LMCD1: variants seen among roughly 807,000 people sequenced by gnomAD.
The protein encoded by LMCD1 is LIM and cysteine rich domains 1.
LMCD1 carries 32 observed loss-of-function variants against 42.7 expected under a neutral mutation model. The observed-to-expected ratio is 0.75, with a 90% confidence interval of 0.57 to 1.01. The LOEUF (loss-of-function observed/expected upper bound fraction) is 1.01, where lower values mean the gene tolerates loss of function less well. Ranked by LOEUF, LMCD1 falls within the 50% of genes least tolerant of loss-of-function variation. The pLI is 0.00. For missense variants in LMCD1, 458 were observed against 483.1 expected (o/e 0.95, Z 0.49); for synonymous variants, 178 against 184.9 (o/e 0.96, Z 0.30).
intron 3 of LMCD1, among the ~76,000 whole-genome samples, chr3:8,545,594 T>G (rs918290746): frequency 5.3e-5 from 8 of 152,224 alleles, no homozygotes; most frequent in African/African-American, 1.7e-4. Context: ...GTAGTGCAAG[T>G]AAAGTCCAGG....
chr3:8,539,200 G>C (rs1694569870), intron 3 of LMCD1, among the ~76,000 whole-genome samples: 1 of 152,206 alleles, frequency 6.6e-6, no homozygotes, highest in Non-Finnish European at 1.5e-5. Flanking sequence ...CAGAGGCACA[G>C]TTCTAAGCTG....
intron 3 of LMCD1, among the ~76,000 whole-genome samples, chr3:8,542,571 G>T (rs1265816392): frequency 2.0e-5 from 3 of 152,212 alleles, no homozygotes; most frequent in African/African-American, 7.2e-5. Context: ...GACACATCCA[G>T]GGAATGGGGG....
intron 1 of LMCD1, among the ~76,000 whole-genome samples, chr3:8,518,219 C>T (rs1434874875): frequency 6.6e-6 from 1 of 152,186 alleles, no homozygotes; most frequent in East Asian, 1.9e-4. Flanking sequence ...AAGGGATATT[C>T]CAAAGCAATG....
At chr3:8,565,378 T>C in intron 4 of LMCD1, 54 bp from the exon 5 acceptor site, 1 of 1,507,488 alleles carries the variant, frequency 6.6e-7, no homozygotes, top group Non-Finnish European at 9.2e-7. Context: ...CGAACCCATG[T>C]CACTGTGCTC....
At chr3:8,559,014 G>A (rs904610368) in intron 4 of LMCD1, among the ~76,000 whole-genome samples, 1 of 146,886 alleles carries the variant, frequency 6.8e-6, no homozygotes, top group African/African-American at 2.4e-5. Flanking sequence ...GCTCAACCCT[G>A]AGAACCACTG....
chr3:8,559,516 C>T (rs1694989160), intron 4 of LMCD1, among the ~76,000 whole-genome samples: 1 of 152,222 alleles, frequency 6.6e-6, no homozygotes, highest in African/African-American at 2.4e-5. Flanking sequence ...CAAGGTCACA[C>T]AGCTATGAAC....
chr3:8,563,131 G>A (rs576408957), intron 4 of LMCD1, among the ~76,000 whole-genome samples: 18 of 152,322 alleles, frequency 1.2e-4, no homozygotes, highest in South Asian at 6.2e-4. Context: ...GCCTGGCACC[G>A]AGGAGATGTG....
rs932136710 is a variant in LMCD1, at chr3:8,571,734, C to T, written c.*4136C>T. Reference sequence around the variant, plus strand: ...GGAGGGTCTTAGAAAAGTGTTTTTCCTTAATGAAAGGAGATACTGTGCAGT... The same window carrying T: ...GGAGGGTCTTAGAAAAGTGTTTTTCTTTAATGAAAGGAGATACTGTGCAGT... On this transcript the variant is annotated 3_prime_UTR_variant, in exon 6 of 6. Transcript: ENST00000157600. 6.6e-6 allele frequency: 1 copy of T among 152,234 alleles called. No individual in the cohort carries two copies. Among genetic ancestry groups the T allele is most frequent in the African/African-American group, 2.4e-5 (1 of 41,464 alleles). The allele number at this position is 152,234 out of a possible 1,614,324, so 9.4% of individuals were successfully genotyped here.
intron 4 of LMCD1, 74 bp from the exon 5 acceptor site, chr3:8,565,358 A>C (rs1695109791): frequency 1.5e-6 from 2 of 1,321,858 alleles, no homozygotes; most frequent in East Asian, 4.7e-5. Context: ...GAAAGGCTGG[A>C]GCTGGAATTC....
At chr3:8,512,497 G>A (rs1460648335) in intron 1 of LMCD1, among the ~76,000 whole-genome samples, 4 of 152,144 alleles carry the variant, frequency 2.6e-5, no homozygotes, top group African/African-American at 7.2e-5. Flanking sequence ...TAACATTATG[G>A]TGATCATCCC....
intron 3 of LMCD1, among the ~76,000 whole-genome samples, chr3:8,545,526 G>A (rs763002142): frequency 1.3e-5 from 2 of 152,194 alleles, no homozygotes; most frequent in African/African-American, 2.4e-5. Context: ...TCCAGTGCTC[G>A]AGAATCCCAG....
In LMCD1 at chr3:8,558,648, G is replaced by T. The variant is rs567491339; in HGVS notation, c.724-6784G>T. ...CCATGCCTTTTACCATAGTCCCAAA[G>T]AACTTCCATTTGACCATACTAGCTC... On this transcript the variant is annotated intron_variant, in intron 4 of 5. Transcript: ENST00000157600. Among the ~76,000 whole-genome samples, 3 of 152,282 alleles carry T rather than the reference G, an allele frequency of 2.0e-5. No individual in the cohort carries two copies. In the East Asian group the frequency reaches 5.8e-4, roughly 29 times the overall value.
chr3:8,506,129 C>CT (rs1693875214), intron 1 of LMCD1, among the ~76,000 whole-genome samples: 1 of 152,138 alleles, frequency 6.6e-6, no homozygotes, highest in Non-Finnish European at 1.5e-5. Context: ...GCAGGTGTGT[C>CT]TGACTATGCG....
At chr3:8,543,167 G>C (rs1229860921) in intron 3 of LMCD1, among the ~76,000 whole-genome samples, 1 of 152,186 alleles carries the variant, frequency 6.6e-6, no homozygotes, top group Admixed American at 6.5e-5. Flanking sequence ...GAAATAGGAA[G>C]GGGACGGTGT....
rs1051798018 is a variant in LMCD1, at chr3:8,574,588, T to C, written c.*6990T>C. The C allele has an allele frequency of 3.3e-5, 5 of 152,328 alleles. No homozygotes were observed. The highest frequency in any genetic ancestry group is 3.4e-3 in the Middle Eastern group (1 of 294). 9.4% of individuals were successfully genotyped at this position (152,328 alleles called of 1,614,324 possible). A position where few individuals can be genotyped will look rare whatever the true frequency, so the allele number is the denominator to read the frequency against. On this transcript the variant is annotated 3_prime_UTR_variant, in exon 6 of 6. Coordinates refer to ENST00000157600, the MANE Select transcript of LMCD1 (RefSeq NM_014583.4). ...AGTAATTATAATGCCACTAAAATTC[T>C]CATTTGTATTAATTTTTTTTAATTA...
chr3:8,565,456 G>T lies in LMCD1; in HGVS notation c.748G>T (p.Ala250Ser). 6.2e-7 allele frequency: 1 copy of T among 1,614,134 alleles called. No homozygotes were observed. Among genetic ancestry groups the T allele is most frequent in the Non-Finnish European group, 8.5e-7 (1 of 1,180,014 alleles). ...GGTCTGCGAGCTCTGCAAGGGAGCG[G>T]CCCCTCCTGACAGCCCCGTGGTCTA... ...EYVCELCKGA[A>S]PPDSPVVYSD... The change falls in exon 5 of 6, where the codon GCC becomes TCC. Residue 250 changes from alanine (A) to serine (S), a missense_variant. Ala to Ser is a moderately conservative substitution (Grantham distance 99). Transcript: ENST00000157600.
intron 3 of LMCD1, among the ~76,000 whole-genome samples, chr3:8,544,638 C>G (rs1214211888): frequency 6.6e-6 from 1 of 152,168 alleles, no homozygotes; most frequent in African/African-American, 2.4e-5. Context: ...CACAACAACC[C>G]TAGCTTCCTC....
intron 3 of LMCD1, among the ~76,000 whole-genome samples, chr3:8,548,277 A>G (rs1694774894): frequency 6.6e-6 from 1 of 151,790 alleles, no homozygotes; most frequent in Non-Finnish European, 1.5e-5. Context: ...GACACAGAAC[A>G]CTCCCTACAT....
At chr3:8,550,051 G>A (rs553882456) in intron 4 of LMCD1, 21 of 1,484,620 alleles carry the variant, frequency 1.4e-5, no homozygotes, top group Admixed American at 2.1e-5. Context: ...TCAACCCATA[G>A]GAAGTGGCAG....
Sources: gnomAD v4.1 joint callset for allele counts (sites outside exome capture counted in the v4.1 genomes callset) on GRCh38, gnomAD v4.1.1 for gene constraint, MANE v1.5 for transcripts, NCBI Gene and HGNC (gene_info 2026-07-23, HGNC 2026-07-21) for gene names.